DIP2C: variants seen among roughly 807,000 people sequenced by gnomAD.
DIP2C encodes the protein disco-interacting protein 2 homolog C.
Under a neutral mutation model 192.4 loss-of-function variants are expected in DIP2C, and 33 were observed. The observed-to-expected ratio is 0.17, with a 90% CI of 0.13 to 0.23. The LOEUF is 0.23. DIP2C is among the 10% of genes least tolerant of loss of function. The pLI, the probability that DIP2C is intolerant of heterozygous loss-of-function variation, is 1.00. For synonymous variants in DIP2C, 979 were observed against 864.1 expected (o/e 1.13, Z -2.33); for missense variants, 1,537 against 2,110.1 (o/e 0.73, Z 5.32).
chr10:426,675 T>C (rs1419904653), intron 4 of DIP2C, among the ~76,000 whole-genome samples: 13 of 152,230 alleles, frequency 8.5e-5, no homozygotes, highest in Non-Finnish European at 5.9e-5. Flanking sequence ...AGGAACAGAA[T>C]TAAACCCAGA....
At chr10:578,614 C>T (rs1051160922) in intron 1 of DIP2C, among the ~76,000 whole-genome samples, 1 of 152,194 alleles carries the variant, frequency 6.6e-6, no homozygotes, top group African/African-American at 2.4e-5. Context: ...TGTTTTCATC[C>T]TATACTCTCC....
intron 17 of DIP2C, among the ~76,000 whole-genome samples, chr10:373,250 G>A (rs556516185): frequency 8.5e-5 from 13 of 152,220 alleles, no homozygotes; most frequent in South Asian, 6.2e-4. Context: ...CACAACCAAC[G>A]TCAGCACATT....
At chr10:493,246 C>G (rs1178677885) in intron 1 of DIP2C, among the ~76,000 whole-genome samples, 2 of 152,288 alleles carry the variant, frequency 1.3e-5, no homozygotes, top group East Asian at 3.9e-4. Flanking sequence ...CATAATTTCT[C>G]CAGTGTGTCC....
chr10:575,235 G>T (rs117737939), intron 1 of DIP2C, among the ~76,000 whole-genome samples: 3 of 152,178 alleles, frequency 2.0e-5, no homozygotes, highest in African/African-American at 4.8e-5. Context: ...AAAGTTTATT[G>T]TGAGTACAAT....
intron 4 of DIP2C, among the ~76,000 whole-genome samples, chr10:424,585 C>A (rs1485758379): frequency 6.6e-6 from 1 of 152,002 alleles, no homozygotes; most frequent in Non-Finnish European, 1.5e-5. Context: ...AGGCTGGTCT[C>A]GAACTCCTGA....
At position 275,103 on chromosome 10, in the gene DIP2C, T is replaced by C. The variant is rs2132098674; in HGVS notation, c.*2222A>G. On this transcript the variant is annotated 3_prime_UTR_variant, in exon 37 of 37. Transcript: ENST00000280886. Reference sequence around the variant, plus strand: ...CTGCAGCGTCCACACTCCTTGAATGTAGAGTTGATCTGGTGACAGTTGAAA... The same window carrying C: ...CTGCAGCGTCCACACTCCTTGAATGCAGAGTTGATCTGGTGACAGTTGAAA... 6.6e-6 allele frequency: 1 copy of C among 152,386 alleles called. No homozygotes were observed. Among genetic ancestry groups the C allele is most frequent in the African/African-American group, 2.4e-5 (1 of 41,588 alleles). The allele number at this position is 152,386 out of a possible 1,614,324, so 9.4% of individuals were successfully genotyped here.
chr10:602,491 C>T (rs1304180488), intron 1 of DIP2C, among the ~76,000 whole-genome samples: 1 of 152,188 alleles, frequency 6.6e-6, no homozygotes, highest in Non-Finnish European at 1.5e-5. Flanking sequence ...GCTCTCAGGA[C>T]CGGGGTTGGT....
intron 1 of DIP2C, among the ~76,000 whole-genome samples, chr10:554,943 C>T (rs528201691): frequency 2.0e-5 from 3 of 152,080 alleles, no homozygotes; most frequent in Admixed American, 6.5e-5. Flanking sequence ...CTCTCTGGTT[C>T]GTCAGAGACA....
At chr10:593,494 C>A (rs1053573603) in intron 1 of DIP2C, among the ~76,000 whole-genome samples, 8 of 125,900 alleles carry the variant, frequency 6.4e-5, no homozygotes, top group East Asian at 3.0e-4. Context: ...GACCCCCCCC[C>A]CCCCACCCTT....
intron 22 of DIP2C, among the ~76,000 whole-genome samples, chr10:361,468 T>C (rs1017679163): frequency 5.3e-5 from 8 of 152,188 alleles, no homozygotes; most frequent in African/African-American, 1.7e-4. Flanking sequence ...CCTGTAGCTA[T>C]GGAGTCATTA....
At chr10:351,704 G>T (rs180778374) in intron 24 of DIP2C, among the ~76,000 whole-genome samples, 1 of 152,336 alleles carries the variant, frequency 6.6e-6, no homozygotes, top group East Asian at 1.9e-4. Flanking sequence ...CTGGAGTCCG[G>T]GAAATCCTGC....
At chr10:286,175 G>A in intron 34 of DIP2C, 98 bp downstream of exon 34, 3 of 1,112,302 alleles carry the variant, frequency 2.7e-6, no homozygotes, top group Non-Finnish European at 4.1e-6. Context: ...ACCGGTGTGT[G>A]GCAGATGGAG....
chr10:569,432 A>G (rs1564208991), intron 1 of DIP2C, among the ~76,000 whole-genome samples: 1 of 150,232 alleles, frequency 6.7e-6, no homozygotes, highest in Non-Finnish European at 1.5e-5. Context: ...AATTTGAGAT[A>G]CATAATGATG....
intron 1 of DIP2C, among the ~76,000 whole-genome samples, chr10:576,768 A>G (rs1376751807): frequency 6.6e-6 from 1 of 152,150 alleles, no homozygotes; most frequent in East Asian, 1.9e-4. Context: ...TTAGCCAGGC[A>G]TGGTGGCACG....
At chr10:329,281 T>C in intron 30 of DIP2C, 152 bp downstream of exon 30, 1 of 732,014 alleles carries the variant, frequency 1.4e-6, no homozygotes, top group Non-Finnish European at 2.0e-6. Context: ...GATTTTCATA[T>C]AAAGGCAGTT....
intron 29 of DIP2C, among the ~76,000 whole-genome samples, chr10:332,775 C>T (rs1187334461): frequency 6.6e-6 from 1 of 152,308 alleles, no homozygotes; most frequent in East Asian, 1.9e-4. Flanking sequence ...TGAAAACTCT[C>T]CTAACTTGGG....
intron 2 of DIP2C, among the ~76,000 whole-genome samples, chr10:475,687 T>C (rs562813666): frequency 6.6e-6 from 1 of 152,354 alleles, no homozygotes; most frequent in African/African-American, 2.4e-5. Flanking sequence ...TTCTACAGGT[T>C]GCAATAAGAC....
At chr10:615,614 T>TAC (rs888460633) in intron 1 of DIP2C, among the ~76,000 whole-genome samples, 8 of 150,540 alleles carry the variant, frequency 5.3e-5, no homozygotes, top group South Asian at 2.1e-4. Flanking sequence ...TAGGTTCATA[T>TAC]ACACACACAC....
At chr10:434,744 G>A (rs931224240) in intron 4 of DIP2C, among the ~76,000 whole-genome samples, 1 of 152,150 alleles carries the variant, frequency 6.6e-6, no homozygotes, top group Non-Finnish European at 1.5e-5. Context: ...ACAGGGTATA[G>A]ACTTCTAGGT....
Sources: allele counts gnomAD v4.1 joint callset (sites outside exome capture counted in the v4.1 genomes callset), GRCh38; gene constraint gnomAD v4.1.1; transcripts MANE v1.5; gene names NCBI Gene and HGNC (gene_info 2026-07-23, HGNC 2026-07-21).